PLCL1: variants seen among roughly 807,000 people sequenced by gnomAD.
The protein encoded by PLCL1 is phospholipase C like 1 (inactive), also known as inactive phospholipase C-like protein 1.
In PLCL1, 41 loss-of-function variants were observed where a neutral mutation model predicts 84.4. The observed-to-expected ratio is 0.49, with a 90% confidence interval of 0.38 to 0.63. The LOEUF (loss-of-function observed/expected upper bound fraction) is 0.63. Ranked by LOEUF, PLCL1 falls within the 30% of genes least tolerant of loss-of-function variation. The pLI is 0.00. For synonymous variants in PLCL1, 490 were observed against 488.3 expected (o/e 1.00, Z -0.05); for missense variants, 1,206 against 1,367.8 (o/e 0.88, Z 1.87).
intron 1 of PLCL1, among the ~76,000 whole-genome samples, chr2:197,848,984 A>G (rs1231121941): frequency 6.6e-6 from 1 of 152,196 alleles, no homozygotes; most frequent in African/African-American, 2.4e-5. Context: ...TACTTCACAA[A>G]GTATATTTTA....
intron 1 of PLCL1, among the ~76,000 whole-genome samples, chr2:198,054,754 T>C (rs754294735): frequency 1.3e-4 from 20 of 152,172 alleles, no homozygotes; most frequent in Non-Finnish European, 1.9e-4. Flanking sequence ...TCAGACTTAA[T>C]AAGTAAAACA....
At chr2:197,964,209 A>T (rs1391227953) in intron 1 of PLCL1, among the ~76,000 whole-genome samples, 1 of 152,170 alleles carries the variant, frequency 6.6e-6, no homozygotes, top group East Asian at 1.9e-4. Context: ...TTCTAACAGT[A>T]TTAATTCTTC....
intron 1 of PLCL1, among the ~76,000 whole-genome samples, chr2:197,817,769 T>G (rs1690720158): frequency 6.6e-6 from 1 of 152,140 alleles, no homozygotes; most frequent in African/African-American, 2.4e-5. Context: ...CAAGATGTGC[T>G]AGAGGGGAAT....
intron 1 of PLCL1, among the ~76,000 whole-genome samples, chr2:198,054,770 T>A (rs1475213814): frequency 3.9e-5 from 6 of 152,150 alleles, no homozygotes; most frequent in Non-Finnish European, 8.8e-5. Context: ...AAACAGCAGA[T>A]ACTTAAGATT....
intron 1 of PLCL1, among the ~76,000 whole-genome samples, chr2:197,915,980 A>G (rs1301824006): frequency 1.3e-5 from 2 of 152,262 alleles, no homozygotes; most frequent in Non-Finnish European, 2.9e-5. Context: ...GCTATAACTA[A>G]GAGCCTGGTA....
chr2:198,034,668 A>G (rs1388781421), intron 1 of PLCL1, among the ~76,000 whole-genome samples: 1 of 152,232 alleles, frequency 6.6e-6, no homozygotes, highest in Non-Finnish European at 1.5e-5. Context: ...TACAATTATC[A>G]AAACCTAAAA....
At chr2:198,010,395 A>G (rs1690839325) in intron 1 of PLCL1, among the ~76,000 whole-genome samples, 1 of 151,994 alleles carries the variant, frequency 6.6e-6, no homozygotes, top group African/African-American at 2.4e-5. Flanking sequence ...AATTTTATCA[A>G]ATGTCTTTTC....
chr2:198,129,547 A>G (rs1043271232), intron 5 of PLCL1, among the ~76,000 whole-genome samples: 29 of 152,076 alleles, frequency 1.9e-4, no homozygotes, highest in Admixed American at 1.4e-3. Flanking sequence ...TAAAATATCA[A>G]ACTGTAACCC....
At chr2:197,942,292 A>C (rs1212989164) in intron 1 of PLCL1, among the ~76,000 whole-genome samples, 1 of 152,114 alleles carries the variant, frequency 6.6e-6, no homozygotes, top group East Asian at 1.9e-4. Context: ...TAACTTTTTT[A>C]AAAAATTGCA....
intron 1 of PLCL1, among the ~76,000 whole-genome samples, chr2:197,852,590 A>G (rs1305032916): frequency 6.6e-6 from 1 of 152,172 alleles, no homozygotes; most frequent in East Asian, 1.9e-4. Flanking sequence ...TAACATTTTT[A>G]TACCGATGGA....
At chr2:197,981,609 T>G (rs776612731) in intron 1 of PLCL1, among the ~76,000 whole-genome samples, 1 of 152,200 alleles carries the variant, frequency 6.6e-6, no homozygotes, top group African/African-American at 2.4e-5. Context: ...CATCTTGTTC[T>G]TACGTAGAAT....
At chr2:198,113,098 G>A (rs977586365) in intron 5 of PLCL1, among the ~76,000 whole-genome samples, 21 of 151,958 alleles carry the variant, frequency 1.4e-4, no homozygotes, top group African/African-American at 4.1e-4. Flanking sequence ...ATATTTATCC[G>A]TGGACGAGGT....
At chr2:197,890,832 C>T (rs890187257) in intron 1 of PLCL1, among the ~76,000 whole-genome samples, 1 of 23,872 alleles carries the variant, frequency 4.2e-5, no homozygotes, top group Non-Finnish European at 7.9e-5. Flanking sequence ...TACATATATG[C>T]ATATATATAT....
chr2:198,084,321 A>G lies in PLCL1; in HGVS notation c.804A>G (p.Ile268Met), dbSNP rs1692798415. The change falls in exon 2 of 6, where the codon ATA (isoleucine) becomes ATG (methionine). Residue 268 changes from isoleucine to methionine, a missense_variant. Physicochemically the swap from Ile to Met is conservative, Grantham distance 10 (BLOSUM62 1). Transcript: ENST00000428675. ...IMLEDTSVEL[I>M]KQLNPTLKEA... is the part of the protein sequence containing the mutation. ...TGGAAGACACCTCTGTAGAGTTAAT[A>G]AAACAACTCAACCCTACTCTGAAGG... 2 of 1,613,536 alleles carry G rather than the reference A, an allele frequency of 1.2e-6. No homozygotes were observed. Among genetic ancestry groups the G allele is most frequent in the African/African-American group, 1.3e-5 (1 of 74,942 alleles).
At chr2:197,923,599 TGGC>T (rs1246755507) in intron 1 of PLCL1, among the ~76,000 whole-genome samples, 2 of 141,666 alleles carry the variant, frequency 1.4e-5, no homozygotes, top group African/African-American at 2.7e-5. Flanking sequence ...CTAGATGTGA[TGGC>T]GGCTGGGAAG....
In PLCL1 at chr2:198,139,688, G is replaced by A. The variant is rs564532800; in HGVS notation, c.3106-7092G>A. Among the ~76,000 whole-genome samples, 3 of 152,176 alleles carry A rather than the reference G, an allele frequency of 2.0e-5. No homozygotes were observed. The South Asian group carries it at 6.2e-4, about 32-fold the overall frequency. ...GCCTTACAAAGTATTTGTTTCAAAG[G>A]GTTGGTTTTGATAGATTGAGAACCT... On this transcript the variant is annotated intron_variant, in intron 5 of 5. Transcript: ENST00000428675.
chr2:197,903,392 G>A (rs1688305349), intron 1 of PLCL1, among the ~76,000 whole-genome samples: 1 of 150,422 alleles, frequency 6.6e-6, no homozygotes, highest in South Asian at 2.1e-4. Context: ...AAATCTCAGA[G>A]GAATATCTGG....
intron 1 of PLCL1, among the ~76,000 whole-genome samples, chr2:197,845,888 C>T (rs1177062782): frequency 6.6e-6 from 1 of 152,044 alleles, no homozygotes; most frequent in Non-Finnish European, 1.5e-5. Context: ...TCTTCTCCAT[C>T]CTTTGAAAAT....
intron 1 of PLCL1, among the ~76,000 whole-genome samples, chr2:197,906,610 T>C (rs1688387392): frequency 6.6e-6 from 1 of 152,206 alleles, no homozygotes; most frequent in Non-Finnish European, 1.5e-5. Flanking sequence ...AAGTCAATGG[T>C]ATCTTGATGG....
Sources: allele counts gnomAD v4.1 joint callset (sites outside exome capture counted in the v4.1 genomes callset), GRCh38; gene constraint gnomAD v4.1.1; transcripts MANE v1.5; gene names NCBI Gene and HGNC (gene_info 2026-07-23, HGNC 2026-07-21).